EPHA6: variants seen among roughly 807,000 people sequenced by gnomAD.
EPHA6 encodes EPH receptor A6.
Under a neutral mutation model 112.0 loss-of-function variants are expected in EPHA6, and 50 were observed. The observed-to-expected ratio is 0.45, with a 90% CI of 0.36 to 0.56. The LOEUF (loss-of-function observed/expected upper bound fraction) is 0.56. Ranked by LOEUF, EPHA6 falls within the 20% of genes least tolerant of loss-of-function variation. EPHA6 has a pLI of 0.00. For missense variants in EPHA6, 1,280 were observed against 1,417.4 expected, an observed-to-expected ratio of 0.90 and a Z score of 1.56; for synonymous variants, 529 against 490.7, an observed-to-expected ratio of 1.08 and a Z score of -1.03.
chr3:97,161,239 C>G (rs1010537044), intron 3 of EPHA6, among the ~76,000 whole-genome samples: 3 of 152,068 alleles, frequency 2.0e-5, no homozygotes, highest in African/African-American at 7.2e-5. Flanking sequence ...AACATTAGGC[C>G]AAAAGCTGTT....
intron 2 of EPHA6, among the ~76,000 whole-genome samples, chr3:96,913,429 G>T (rs2039332501): frequency 1.3e-5 from 2 of 151,830 alleles, no homozygotes; most frequent in Admixed American, 1.3e-4. Context: ...TCACATTTAA[G>T]AAAGATGTCT....
intron 2 of EPHA6, among the ~76,000 whole-genome samples, chr3:96,879,511 G>T (rs1042542480): frequency 6.6e-6 from 1 of 152,026 alleles, no homozygotes; most frequent in Admixed American, 6.6e-5. Context: ...AGAGTTAGGA[G>T]GAAAGAGTTT....
intron 5 of EPHA6, among the ~76,000 whole-genome samples, chr3:97,294,492 G>C (rs2080807327): frequency 6.6e-6 from 1 of 152,090 alleles, no homozygotes; most frequent in Non-Finnish European, 1.5e-5. Flanking sequence ...ATATTTTTCA[G>C]TAGAAAATTT....
intron 14 of EPHA6, among the ~76,000 whole-genome samples, chr3:97,650,012 G>T (rs1475352545): frequency 1.3e-5 from 2 of 151,978 alleles, no homozygotes; most frequent in Admixed American, 6.6e-5. Flanking sequence ...TAAACTTTTT[G>T]TAAAGGATAC....
chr3:97,340,908 A>G (rs2083272150), intron 5 of EPHA6, among the ~76,000 whole-genome samples: 1 of 152,138 alleles, frequency 6.6e-6, no homozygotes, highest in Admixed American at 6.5e-5. Context: ...CATGCTGGAG[A>G]TTAGGGCTTC....
intron 5 of EPHA6, among the ~76,000 whole-genome samples, chr3:97,285,384 C>T (rs1004712077): frequency 8.5e-5 from 13 of 152,110 alleles, no homozygotes; most frequent in Admixed American, 5.2e-4. Flanking sequence ...CTCTCTCCCA[C>T]TCTTCCTATC....
chr3:97,269,952 A>T (rs2108638002), intron 5 of EPHA6, among the ~76,000 whole-genome samples: 1 of 152,320 alleles, frequency 6.6e-6, no homozygotes, highest in East Asian at 1.9e-4. Context: ...TGTTTTTATG[A>T]TATCATTTTG....
chr3:97,678,160 G>C (rs895168855), intron 14 of EPHA6, among the ~76,000 whole-genome samples: 6 of 152,080 alleles, frequency 3.9e-5, no homozygotes, highest in African/African-American at 1.4e-4. Flanking sequence ...TGGAAATCTG[G>C]TGCCTTGAGG....
chr3:96,849,373 T>C (rs1201951124), intron 1 of EPHA6, among the ~76,000 whole-genome samples: 7 of 152,060 alleles, frequency 4.6e-5, no homozygotes, highest in African/African-American at 1.7e-4. Context: ...TAAAATCAAG[T>C]TTTACAGTAT....
intron 10 of EPHA6, among the ~76,000 whole-genome samples, chr3:97,529,139 T>C (rs1163592677): frequency 1.3e-5 from 2 of 152,016 alleles, no homozygotes; most frequent in Non-Finnish European, 2.9e-5. Flanking sequence ...CACAGGAAAA[T>C]ATTAACGATG....
intron 3 of EPHA6, among the ~76,000 whole-genome samples, chr3:97,008,532 A>G (rs1243566340): frequency 6.6e-6 from 1 of 152,082 alleles, no homozygotes; most frequent in East Asian, 1.9e-4. Flanking sequence ...AAGGTTCTTC[A>G]CTTTTTGAGT....
At chr3:97,075,872 T>C (rs143734033) in intron 3 of EPHA6, among the ~76,000 whole-genome samples, 43 of 152,222 alleles carry the variant, frequency 2.8e-4, no homozygotes, top group African/African-American at 1.0e-3. Context: ...ATCTTTGAAA[T>C]TATGTTGTCA....
At chr3:97,263,468 C>CACACACACACA (rs1559836796) in intron 5 of EPHA6, among the ~76,000 whole-genome samples, 2 of 151,178 alleles carry the variant, frequency 1.3e-5, no homozygotes, top group African/African-American at 4.9e-5. Flanking sequence ...CACACACACA[C>CACACACACACA]CCGCTAGGCA....
At chr3:97,243,897 G>A (rs746436436) in intron 4 of EPHA6, 55 bp from the exon 5 acceptor site, 198 of 1,306,246 alleles carry the variant, frequency 1.5e-4, no homozygotes, top group Middle Eastern at 5.8e-4. Context: ...TCATTTTAGC[G>A]CCATAATTCA....
chr3:97,033,077 G>T (rs778193561), intron 3 of EPHA6, among the ~76,000 whole-genome samples: 40 of 151,790 alleles, frequency 2.6e-4, no homozygotes, highest in Non-Finnish European at 4.6e-4. Context: ...AAAAAAAAAG[G>T]AAGTATACCA....
intron 10 of EPHA6, among the ~76,000 whole-genome samples, chr3:97,525,122 A>G (rs1446284500): frequency 2.0e-5 from 3 of 152,204 alleles, no homozygotes; most frequent in African/African-American, 7.2e-5. Context: ...ATACTCTCAT[A>G]AATTTTATAT....
At chr3:96,883,681 T>G (rs377399341) in intron 2 of EPHA6, among the ~76,000 whole-genome samples, 2 of 152,140 alleles carry the variant, frequency 1.3e-5, no homozygotes, top group African/African-American at 4.8e-5. Context: ...GTTTTGTATT[T>G]TTGAGACAGA....
chr3:97,416,712 G>A (rs1348429458), intron 6 of EPHA6, among the ~76,000 whole-genome samples: 1 of 151,936 alleles, frequency 6.6e-6, no homozygotes, highest in Non-Finnish European at 1.5e-5. Flanking sequence ...TTCACATTAG[G>A]AATGATATTA....
intron 1 of EPHA6, among the ~76,000 whole-genome samples, chr3:96,834,962 T>G (rs1447858117): frequency 6.6e-6 from 1 of 152,068 alleles, no homozygotes; most frequent in African/African-American, 2.4e-5. Context: ...TTAATCAAAT[T>G]ATTACCATGT....
Sources: allele counts gnomAD v4.1 joint callset (sites outside exome capture counted in the v4.1 genomes callset), GRCh38; gene constraint gnomAD v4.1.1; transcripts MANE v1.5; gene names NCBI Gene and HGNC (gene_info 2026-07-23, HGNC 2026-07-21).